Variants in ADAM17 observed in about 807,000 individuals in gnomAD.
ADAM17 encodes the protein ADAM metallopeptidase domain 17, also known as disintegrin and metalloproteinase domain-containing protein 17.
Under a neutral mutation model 96.7 loss-of-function variants are expected in ADAM17, and 39 were observed. That is an observed-to-expected ratio of 0.40 (90% CI 0.31 to 0.53). ADAM17 has a LOEUF of 0.53. Among genes scored for constraint, ADAM17 ranks in the 20% least tolerant of loss-of-function variants. The probability of loss-of-function intolerance (pLI) is 0.44; values close to 1 mark genes in which losing one functional copy is unlikely to be tolerated. For synonymous variants in ADAM17, 344 were observed against 359.2 expected (o/e 0.96, Z 0.48); for missense variants, 777 against 1,013.2 (o/e 0.77, Z 3.17).
intron 12 of ADAM17, among the ~76,000 whole-genome samples, chr2:9,503,075 G>A (rs1663115201): frequency 6.6e-6 from 1 of 150,608 alleles, no homozygotes; most frequent in South Asian, 2.1e-4. Context: ...GGAAGGCAGA[G>A]GTTGCGGTGA....
chr2:9,490,558 G>A (rs1662050515), intron 18 of ADAM17, 40 bp from the exon 19 acceptor site: 1 of 1,555,302 alleles, frequency 6.4e-7, no homozygotes, highest in Non-Finnish European at 8.7e-7. Flanking sequence ...AGGAATAAAA[G>A]ATGAATCGGA....
At position 9,517,009 on chromosome 2, in the gene ADAM17, G is replaced by A. The variant is rs933544969; in HGVS notation, c.1191+892C>T. On this transcript the variant is annotated intron_variant, in intron 10 of 18. Transcript: ENST00000310823. The stretch of plus-strand genomic sequence containing the variant: ...GAAGCTTTTTAGAAGGGCCAGACTA[G>A]GCTAGCCATGTTCTCTTTCTCCTCC... 2.0e-5 allele frequency among the ~76,000 whole-genome samples: 3 copies of A among 152,222 alleles called. No homozygotes were observed. The East Asian group carries it at 5.8e-4, about 29-fold the overall frequency.
Position 9,524,053 on chromosome 2 carries a change from T to TA in ADAM17, c.754-716dup, listed in dbSNP as rs1553364267. On this transcript the variant is annotated intron_variant, in intron 6 of 18. Transcript: ENST00000310823. ...ACCATGCCGGGCTTTTTTTTTTTTT[T>TA]ATGATTTTCATCATAACATTTTCCT... Among the ~76,000 whole-genome samples the TA allele has an allele frequency of 1.3e-3, 203 of 151,598 alleles. 1 individual carries two copies. Among genetic ancestry groups the TA allele is most frequent in the Admixed American group, 3.2e-3 (48 of 15,226 alleles).
At chr2:9,493,705 A>G in intron 16 of ADAM17, 42 bp downstream of exon 16, 1 of 1,541,842 alleles carries the variant, frequency 6.5e-7, no homozygotes, top group Non-Finnish European at 9.0e-7. Flanking sequence ...CATCACAGAA[A>G]TTGACTCAGC....
intron 13 of ADAM17, among the ~76,000 whole-genome samples, chr2:9,500,856 C>T (rs1662956654): frequency 6.6e-6 from 1 of 152,096 alleles, no homozygotes; most frequent in African/African-American, 2.4e-5. Context: ...ATACTGGACA[C>T]CTGGAAAGGT....
intron 4 of ADAM17, among the ~76,000 whole-genome samples, chr2:9,528,630 T>C (rs1240862906): frequency 1.3e-5 from 2 of 152,206 alleles, no homozygotes; most frequent in Non-Finnish European, 2.9e-5. Flanking sequence ...CAAAGCAAAG[T>C]TATTCTCTGT....
At chr2:9,534,197 C>T (rs559202576) in intron 4 of ADAM17, among the ~76,000 whole-genome samples, 3 of 152,074 alleles carry the variant, frequency 2.0e-5, no homozygotes, top group East Asian at 1.9e-4. Flanking sequence ...GGTGAAACCC[C>T]GTCTCTACTA....
intron 17 of ADAM17, among the ~76,000 whole-genome samples, chr2:9,492,322 C>T (rs1662221040): frequency 6.6e-6 from 1 of 152,168 alleles, no homozygotes; most frequent in Non-Finnish European, 1.5e-5. Flanking sequence ...TTATAAAGGA[C>T]CAGGAGTTCC....
chr2:9,545,891 C>T (rs1035087387), intron 1 of ADAM17, among the ~76,000 whole-genome samples: 1 of 151,576 alleles, frequency 6.6e-6, no homozygotes, highest in Non-Finnish European at 1.5e-5. Context: ...CCAAGGAGTT[C>T]GAGACCAGCC....
At chr2:9,553,376 T>A (rs56656483) in intron 1 of ADAM17, among the ~76,000 whole-genome samples, 9,642 of 144,586 alleles carry the variant, frequency 0.067, 1,082 homozygotes, top group African/African-American at 0.23. Context: ...ATATTTCGTT[T>A]AAAAAAAAAA....
rs760787134 is a variant in ADAM17, at chr2:9,490,325, C to T, written c.2327G>A (p.Gly776Glu). Residue 776 changes from glycine to glutamate, a missense_variant, in exon 19 of 19, where the codon GGG becomes GAG. Around this residue, in one of 3 missense-constraint regions of ADAM17, gnomAD observed 197 missense variants for 219.4 expected, o/e 0.90. Coordinates refer to ENST00000310823, the MANE Select transcript of ADAM17 (RefSeq NM_003183.6). ...PSTDSHMDED[G>E]FEKDPFPNSS... ...ATTTGGGAAGGGGTCCTTCTCAAAC[C>T]CATCCTCGTCCATATGTGAGTCTGT... 8.1e-6 allele frequency: 13 copies of T among 1,613,922 alleles called. No homozygotes were observed. Among genetic ancestry groups the T allele is most frequent in the Admixed American group, 1.7e-5 (1 of 59,986 alleles).
At chr2:9,509,297 A>G (rs192843582) in intron 11 of ADAM17, among the ~76,000 whole-genome samples, 221 of 152,358 alleles carry the variant, frequency 1.5e-3, no homozygotes, top group Middle Eastern at 0.01. Flanking sequence ...AAAGAACCAG[A>G]TATTTATTAA....
chr2:9,506,964 A>G (rs1359228992), intron 11 of ADAM17: 1 of 152,054 alleles, frequency 6.6e-6, no homozygotes, highest in Non-Finnish European at 1.5e-5. Context: ...TCCTTGTCAT[A>G]AGACTTCCTC....
At chr2:9,512,439 G>A (rs1663795097) in intron 10 of ADAM17, 1 of 152,184 alleles carries the variant, frequency 6.6e-6, no homozygotes, top group Non-Finnish European at 1.5e-5. Context: ...CATGGCTCCT[G>A]GCTTACAACC....
At chr2:9,529,919 G>A (rs773492631) in intron 4 of ADAM17, among the ~76,000 whole-genome samples, 2 of 150,884 alleles carry the variant, frequency 1.3e-5, no homozygotes, top group Non-Finnish European at 3.0e-5. Context: ...TGCAGTGATC[G>A]TGCCACTGCA....
At chr2:9,493,883 A>G in intron 15 of ADAM17, 58 bp from the exon 16 acceptor site, 1 of 1,424,816 alleles carries the variant, frequency 7.0e-7, no homozygotes, top group African/African-American at 1.4e-5. Context: ...TTCAGAAGCA[A>G]TGTAGCTTTA....
At chr2:9,539,733 C>A (rs1468320767) in intron 2 of ADAM17, among the ~76,000 whole-genome samples, 1 of 152,134 alleles carries the variant, frequency 6.6e-6, no homozygotes, top group African/African-American at 2.4e-5. Context: ...TTTAATGACG[C>A]AATATGATAG....
chr2:9,549,111 A>G (rs1358319858), intron 1 of ADAM17, among the ~76,000 whole-genome samples: 1 of 152,170 alleles, frequency 6.6e-6, no homozygotes, highest in Non-Finnish European at 1.5e-5. Flanking sequence ...AGTGGCTCAC[A>G]CCTGTAATCC....
rs76195672 is a variant in ADAM17 at position 9,551,305 on chromosome 2, T to C, written c.97+4204A>G. ...TTCCTTGGCTGATTTTAGGAGTAAA[T>C]AAAGAGATACAGATTGAGCATCCCT... On this transcript the variant is annotated intron_variant, in intron 1 of 18. Coordinates refer to ENST00000310823, the MANE Select transcript of ADAM17 (RefSeq NM_003183.6). Among the ~76,000 whole-genome samples, 144 of 151,722 alleles carry C rather than the reference T, an allele frequency of 9.5e-4. 4 individuals carry two copies. The East Asian group carries it at 0.023, about 25-fold the overall frequency.
Sources: gnomAD v4.1 joint callset for allele counts (sites outside exome capture counted in the v4.1 genomes callset) on GRCh38, gnomAD v4.1.1 for gene constraint, gnomAD v4.1.1 regional missense constraint, MANE v1.5 for transcripts, NCBI Gene and HGNC (gene_info 2026-07-23, HGNC 2026-07-21) for gene names.